The following DPP10 variants were observed in gnomAD, a reference collection of about 807,000 sequenced individuals.
The protein encoded by DPP10 is inactive dipeptidyl peptidase 10.
In DPP10, 33 loss-of-function variants were observed where a neutral mutation model predicts 120.9. That is an observed-to-expected ratio of 0.27 (90% CI 0.21 to 0.37). The LOEUF (loss-of-function observed/expected upper bound fraction) is 0.37, where lower values mean the gene tolerates loss of function less well. DPP10 is among the 10% of genes least tolerant of loss of function. The probability of loss-of-function intolerance (pLI) is 1.00; values close to 1 mark genes in which losing one functional copy is unlikely to be tolerated. For missense variants in DPP10, 816 were observed against 942.8 expected (o/e 0.87, Z 1.76); for synonymous variants, 337 against 326.1 (o/e 1.03, Z -0.36).
At chr2:114,903,545 A>G (rs369237880) in intron 1 of DPP10, among the ~76,000 whole-genome samples, 4 of 152,178 alleles carry the variant, frequency 2.6e-5, no homozygotes, top group African/African-American at 9.6e-5. Context: ...GATGGGGAGA[A>G]GAGATTCTTT....
intron 3 of DPP10, among the ~76,000 whole-genome samples, chr2:115,422,529 G>A (rs2070071457): frequency 6.6e-6 from 1 of 152,172 alleles, no homozygotes; most frequent in African/African-American, 2.4e-5. Context: ...AATTGCAAAT[G>A]ATGAAAGTTC....
At chr2:114,512,229 C>A (rs1398118043) in intron 1 of DPP10, among the ~76,000 whole-genome samples, 1 of 152,112 alleles carries the variant, frequency 6.6e-6, no homozygotes, top group Non-Finnish European at 1.5e-5. Flanking sequence ...GTTATATAAC[C>A]AGGGGACCAC....
chr2:115,434,165 CTAAAT>C (rs1293585265), intron 3 of DPP10, among the ~76,000 whole-genome samples: 1 of 151,848 alleles, frequency 6.6e-6, no homozygotes, highest in African/African-American at 2.4e-5. Flanking sequence ...TCAACAAAAA[CTAAAT>C]TAAATAGGGC....
At chr2:115,685,874 A>C (rs1575524093) in intron 5 of DPP10, among the ~76,000 whole-genome samples, 2 of 152,046 alleles carry the variant, frequency 1.3e-5, no homozygotes. Context: ...ATAATATCTC[A>C]TGCCATGTTT....
intron 5 of DPP10, among the ~76,000 whole-genome samples, chr2:115,544,830 G>C (rs1251469325): frequency 1.3e-5 from 2 of 151,958 alleles, no homozygotes; most frequent in Non-Finnish European, 2.9e-5. Context: ...TCAAATGTAG[G>C]GTTGCTTATA....
At chr2:114,559,536 G>C (rs1688585225) in intron 1 of DPP10, among the ~76,000 whole-genome samples, 1 of 152,122 alleles carries the variant, frequency 6.6e-6, no homozygotes, top group African/African-American at 2.4e-5. Flanking sequence ...TAATTTTGTG[G>C]TAATTTGTCA....
chr2:115,031,930 T>G (rs1703869513), intron 1 of DPP10, among the ~76,000 whole-genome samples: 1 of 152,058 alleles, frequency 6.6e-6, no homozygotes, highest in Non-Finnish European at 1.5e-5. Flanking sequence ...CAATAATAGG[T>G]GTTGTTGCTG....
At chr2:115,206,561 C>T (rs772938644) in intron 1 of DPP10, among the ~76,000 whole-genome samples, 3 of 152,128 alleles carry the variant, frequency 2.0e-5, no homozygotes, top group African/African-American at 7.2e-5. Flanking sequence ...CAAAGTCAAG[C>T]TATTGACATA....
chr2:115,725,930 G>C (rs2092756191), intron 7 of DPP10, among the ~76,000 whole-genome samples: 1 of 152,124 alleles, frequency 6.6e-6, no homozygotes, highest in African/African-American at 2.4e-5. Flanking sequence ...TTTTTTCTCA[G>C]TTATCAGGGG....
chr2:114,528,122 T>C (rs1208796918), intron 1 of DPP10, among the ~76,000 whole-genome samples: 1 of 152,046 alleles, frequency 6.6e-6, no homozygotes, highest in African/African-American at 2.4e-5. Flanking sequence ...CTCCCATCCT[T>C]ATCCCAAAAC....
chr2:114,498,693 T>C (rs1271664086), intron 1 of DPP10, among the ~76,000 whole-genome samples: 1 of 152,208 alleles, frequency 6.6e-6, no homozygotes, highest in East Asian at 1.9e-4. Context: ...ATTTCTGTGA[T>C]AACTAATCCC....
chr2:115,250,836 A>G (rs1196923611), intron 1 of DPP10, among the ~76,000 whole-genome samples: 1 of 152,146 alleles, frequency 6.6e-6, no homozygotes, highest in African/African-American at 2.4e-5. Flanking sequence ...TATTTCAAAC[A>G]TGATCTTTAT....
At chr2:114,792,246 A>G (rs1034605147) in intron 1 of DPP10, among the ~76,000 whole-genome samples, 3 of 152,206 alleles carry the variant, frequency 2.0e-5, no homozygotes, top group Non-Finnish European at 2.9e-5. Flanking sequence ...TTTGAACTTG[A>G]TGAATATTAG....
At chr2:115,552,249 A>G (rs749986816) in intron 5 of DPP10, among the ~76,000 whole-genome samples, 3 of 152,126 alleles carry the variant, frequency 2.0e-5, no homozygotes, top group Admixed American at 6.6e-5. Flanking sequence ...ATAACACAGC[A>G]TTTGTCCTCT....
chr2:115,177,762 T>TTGTTTGTTTG (rs59235869), intron 1 of DPP10, among the ~76,000 whole-genome samples: 5 of 150,846 alleles, frequency 3.3e-5, no homozygotes, highest in African/African-American at 9.7e-5. Context: ...TTGTTTTTGT[T>TTGTTTGTTTG]TTTGTTTGTT....
At chr2:114,582,164 C>G (rs1180167824) in intron 1 of DPP10, among the ~76,000 whole-genome samples, 1 of 152,150 alleles carries the variant, frequency 6.6e-6, no homozygotes, top group Non-Finnish European at 1.5e-5. Context: ...TTTTATGTCT[C>G]CATAGTTTTG....
At chr2:115,196,081 C>A (rs2055245684) in intron 1 of DPP10, among the ~76,000 whole-genome samples, 1 of 152,120 alleles carries the variant, frequency 6.6e-6, no homozygotes, top group Admixed American at 6.5e-5. Context: ...TTGAAGTGTC[C>A]TTTTTTTCCC....
chr2:114,480,888 A>G (rs1680977244), intron 1 of DPP10, among the ~76,000 whole-genome samples: 1 of 150,244 alleles, frequency 6.7e-6, no homozygotes, highest in Non-Finnish European at 1.5e-5. Flanking sequence ...CCCCCAAAAA[A>G]CAAAAAAAAC....
At chr2:114,451,386 G>T (rs973382663) in intron 1 of DPP10, among the ~76,000 whole-genome samples, 2 of 152,020 alleles carry the variant, frequency 1.3e-5, no homozygotes, top group Admixed American at 1.3e-4. Context: ...GAAGAGCATG[G>T]CTATGATATA....
Sources: gnomAD v4.1 joint callset for allele counts (sites outside exome capture counted in the v4.1 genomes callset) on GRCh38, gnomAD v4.1.1 for gene constraint, MANE v1.5 for transcripts, NCBI Gene and HGNC (gene_info 2026-07-23, HGNC 2026-07-21) for gene names.